HP1BP3: variants seen among roughly 807,000 people sequenced by gnomAD.
The protein encoded by HP1BP3 is heterochromatin protein 1 binding protein 3.
A neutral mutation model predicts 62.5 loss-of-function variants in HP1BP3; 12 were observed. The ratio of observed to expected loss-of-function variants is 0.19; its 90% CI spans 0.12 to 0.31. The LOEUF is 0.31. Ranked by LOEUF, HP1BP3 falls within the 10% of genes least tolerant of loss-of-function variation. The probability of loss-of-function intolerance (pLI) is 1.00; values close to 1 mark genes in which losing one functional copy is unlikely to be tolerated. For synonymous variants in HP1BP3, 260 were observed against 237.8 expected, an observed-to-expected ratio of 1.09 and a Z score of -0.86; for missense variants, 502 against 651.8, an observed-to-expected ratio of 0.77 and a Z score of 2.50.
At position 20,744,879 on chromosome 1, in the gene HP1BP3, G is replaced by C. The variant is rs1404732023; in HGVS notation, c.1580C>G (p.Pro527Arg). The C allele has an allele frequency of 1.5e-5, 25 of 1,614,062 alleles. No homozygotes were observed. The highest frequency in any genetic ancestry group is 2.0e-5 in the Non-Finnish European group (24 of 1,180,048). Reference sequence around the variant, plus strand: ...TACTTCCTTTCTTGCACTGGTTGCAGGCTTCTTTGAGGAGCCACCACTAGG... The same window carrying C: ...TACTTCCTTTCTTGCACTGGTTGCACGCTTCTTTGAGGAGCCACCACTAGG... ...KKPSGGSSKK[P>R]ATSARKEVKL... is the part of the protein sequence containing the mutation. The change falls in exon 13 of 13, where the codon CCT becomes CGT. Residue 527 changes from proline to arginine, a missense_variant. Physicochemically the swap from Pro to Arg is moderately radical, Grantham distance 103. This residue lies in a region of HP1BP3 where 194 missense variants were observed against 207.0 expected (regional missense o/e 0.94). Coordinates refer to ENST00000438032, the MANE Select transcript of HP1BP3 (RefSeq NM_001372052.1).
chr1:20,785,560 G>A (rs1357762700), intron 1 of HP1BP3, among the ~76,000 whole-genome samples: 3 of 152,170 alleles, frequency 2.0e-5, no homozygotes, highest in Non-Finnish European at 4.4e-5. Flanking sequence ...ATTTTCAAAT[G>A]TAAGTTATAT....
At position 20,757,055 on chromosome 1, in the gene HP1BP3, A is replaced by G. The variant is rs565084779; in HGVS notation, c.981+111T>C. 3.2e-5 allele frequency: 20 copies of G among 619,652 alleles called. No individual in the cohort carries two copies. In the South Asian group the frequency reaches 3.9e-4, roughly 12 times the overall value. 38.4% of individuals were successfully genotyped at this position (619,652 alleles called of 1,614,324 possible). A position where few individuals can be genotyped will look rare whatever the true frequency, so the allele number is the denominator to read the frequency against. ...TAGTAAATGTTGACAGATATAACCC[A>G]CATAAACAAAAGTTCTTTGAGGTCC... On this transcript the variant is annotated intron_variant, in intron 9 of 12. Coordinates refer to ENST00000438032, the MANE Select transcript of HP1BP3 (RefSeq NM_001372052.1).
At chr1:20,764,142 C>T (rs540869992) in intron 8 of HP1BP3, among the ~76,000 whole-genome samples, 1 of 152,250 alleles carries the variant, frequency 6.6e-6, no homozygotes, top group South Asian at 2.1e-4. Flanking sequence ...ATGTCTTGTA[C>T]TCATTTATAT....
intron 8 of HP1BP3, among the ~76,000 whole-genome samples, chr1:20,760,268 G>C (rs2056389588): frequency 6.6e-6 from 1 of 152,154 alleles, no homozygotes; most frequent in African/African-American, 2.4e-5. Flanking sequence ...ACTGGACACA[G>C]TGGCTCACAC....
intron 1 of HP1BP3, among the ~76,000 whole-genome samples, chr1:20,783,955 C>A (rs953527644): frequency 6.6e-6 from 1 of 152,072 alleles, no homozygotes; most frequent in Non-Finnish European, 1.5e-5. Flanking sequence ...TTAATTCACA[C>A]TGCCTTAACA....
In HP1BP3 at chr1:20,749,917, CA is replaced by C; in HGVS notation, c.982-36del. The C allele has an allele frequency of 2.5e-6, 4 of 1,598,192 alleles. No individual in the cohort carries two copies. The South Asian group carries it at 3.4e-5, about 14-fold the overall frequency. ...AAGGAGGAAGAGAAAAGCATCAAGACAACACTCTCCCAAAGCAGGTCAAGAC... is the reference window on the plus strand; with the variant it reads ...AAGGAGGAAGAGAAAAGCATCAAGACACACTCTCCCAAAGCAGGTCAAGAC... On this transcript the variant is annotated intron_variant, in intron 9 of 12. Coordinates refer to ENST00000438032, the MANE Select transcript of HP1BP3 (RefSeq NM_001372052.1).
rs568424677 is a variant in HP1BP3 at position 20,752,455 on chromosome 1, C to A, written c.982-2573G>T. 5.3e-5 allele frequency among the ~76,000 whole-genome samples: 8 copies of A among 151,952 alleles called. No homozygotes were observed. In the South Asian group the frequency reaches 1.2e-3, roughly 24 times the overall value. ...GACTACAGGCGCCCACCACACCTGGCTAATTTTTGTATTTTCAGTAGAGAT... is the reference window on the plus strand; with the variant it reads ...GACTACAGGCGCCCACCACACCTGGATAATTTTTGTATTTTCAGTAGAGAT... On this transcript the variant is annotated intron_variant, in intron 9 of 12. Transcript: ENST00000438032.
intron 1 of HP1BP3, 62 bp from the exon 2 acceptor site, chr1:20,780,602 A>C (rs747361853): frequency 1.7e-6 from 1 of 594,454 alleles, no homozygotes; most frequent in African/African-American, 1.9e-5. Flanking sequence ...TAAAACGTCT[A>C]AATTTAATAC....
chr1:20,746,867 T>C (rs2154539526), intron 11 of HP1BP3, among the ~76,000 whole-genome samples: 1 of 152,172 alleles, frequency 6.6e-6, no homozygotes, highest in South Asian at 2.1e-4. Context: ...AACACAAAAA[T>C]TAGCTGGGTG....
chr1:20,757,450 CA>C (rs2056190060), intron 8 of HP1BP3, among the ~76,000 whole-genome samples, 194 bp from the exon 9 acceptor site: 1 of 151,384 alleles, frequency 6.6e-6, no homozygotes, highest in South Asian at 2.1e-4. Context: ...TGGCTCACTG[CA>C]ACCTTCACTT....
chr1:20,779,923 G>C lies in HP1BP3; in HGVS notation c.97-12C>G, dbSNP rs33936601. On this transcript the variant is annotated splice_polypyrimidine_tract_variant and intron_variant, in intron 2 of 12. Transcript: ENST00000438032. ...CTATCTTCTACCTTCTAAGAAAAGAGATGGCCATAATCAAACATGCATTAA... is the reference window on the plus strand; with the variant it reads ...CTATCTTCTACCTTCTAAGAAAAGACATGGCCATAATCAAACATGCATTAA... The C allele has an allele frequency of 0.036, 57,394 of 1,599,062 alleles. 1,225 individuals carry two copies. The highest frequency in any genetic ancestry group is 0.041 in the Non-Finnish European group (47,517 of 1,170,076).
In HP1BP3 at chr1:20,743,352, TA is replaced by T. The variant is rs2055140046; in HGVS notation, c.*1444del. 6.6e-6 allele frequency: 1 copy of T among 152,514 alleles called. No individual in the cohort carries two copies. The highest frequency in any genetic ancestry group is 1.5e-5 in the Non-Finnish European group (1 of 68,038). The allele number at this position is 152,514 out of a possible 1,614,324, so 9.4% of individuals were successfully genotyped here. On this transcript the variant is annotated 3_prime_UTR_variant, in exon 13 of 13. Transcript: ENST00000438032. ...AACTCATGCTCCAAATATTAAAAAATATATTTAAACATATGATCAAGAAGAT... is the reference window on the plus strand; with the variant it reads ...AACTCATGCTCCAAATATTAAAAAATTATTTAAACATATGATCAAGAAGAT...
At chr1:20,773,737 T>C (rs752991105) in intron 4 of HP1BP3, 127 bp from the exon 5 acceptor site, 20 of 612,556 alleles carry the variant, frequency 3.3e-5, no homozygotes, top group Non-Finnish European at 4.8e-5. Flanking sequence ...TAAGATGACA[T>C]GTACCATAAG....
chr1:20,757,272 A>G lies in HP1BP3; in HGVS notation c.891-16T>C, dbSNP rs1231502970. ...CAGCTGAGGCCTGCAAAGAAAAACA[A>G]AAAAAAAATAGTGATAAATACATTA... On this transcript the variant is annotated splice_polypyrimidine_tract_variant and intron_variant, in intron 8 of 12. Coordinates refer to ENST00000438032, the MANE Select transcript of HP1BP3 (RefSeq NM_001372052.1). The G allele has an allele frequency of 6.6e-7, 1 of 1,515,440 alleles. No homozygotes were observed. Among genetic ancestry groups the G allele is most frequent in the Non-Finnish European group, 9.0e-7 (1 of 1,109,630 alleles). 93.9% of individuals were successfully genotyped at this position (1,515,440 alleles called of 1,614,324 possible).
rs370439821 is a variant in HP1BP3 at position 20,742,447 on chromosome 1, C to T, written c.*2350G>A. 1.3e-5 allele frequency among the ~76,000 whole-genome samples: 2 copies of T among 152,086 alleles called. No individual in the cohort carries two copies. The highest frequency in any genetic ancestry group is 4.8e-5 in the African/African-American group (2 of 41,416). Reference sequence around the variant, plus strand: ...CTTGGAAGCAGTCTTTAATAAAATACAAAATGATTTTTTAAACCTTTGATT... The same window carrying T: ...CTTGGAAGCAGTCTTTAATAAAATATAAAATGATTTTTTAAACCTTTGATT... On this transcript the variant is annotated 3_prime_UTR_variant, in exon 13 of 13. Coordinates refer to ENST00000438032, the MANE Select transcript of HP1BP3 (RefSeq NM_001372052.1).
chr1:20,779,877 G>C lies in HP1BP3; in HGVS notation c.131C>G (p.Thr44Ser), dbSNP rs765551511. ...VEDSTMPIRR[T>S]VNSTRETPPK... ...AGGAGTTTCCCGGGTAGAATTCACA[G>C]TTCGACGAATCGGCATGGTGCTATC... is the stretch of plus-strand genomic sequence containing the variant. Residue 44 changes from threonine (T) to serine (S), a missense_variant, in exon 3 of 13, where the codon ACT becomes AGT. By Grantham distance (58) the Thr-to-Ser change is moderately conservative. Coordinates refer to ENST00000438032, the MANE Select transcript of HP1BP3 (RefSeq NM_001372052.1). 1.2e-6 allele frequency: 2 copies of C among 1,613,426 alleles called. No individual in the cohort carries two copies. Among genetic ancestry groups the C allele is most frequent in the Admixed American group, 1.7e-5 (1 of 59,972 alleles).
rs1387637869 is a variant in HP1BP3 at position 20,744,116 on chromosome 1, C to T, written c.*681G>A. ...AACAAAAAACAAGTGATATAGAGAA[C>T]TTGTGCTTGCTGTTAAGGGAATGCA... On this transcript the variant is annotated 3_prime_UTR_variant, in exon 13 of 13. Transcript: ENST00000438032. 2.6e-5 allele frequency: 4 copies of T among 152,460 alleles called. No homozygotes were observed. Among genetic ancestry groups the T allele is most frequent in the Admixed American group, 6.6e-5 (1 of 15,260 alleles). 9.4% of individuals were successfully genotyped at this position (152,460 alleles called of 1,614,324 possible). A position where few individuals can be genotyped will look rare whatever the true frequency, so the allele number is the denominator to read the frequency against.
Position 20,770,971 on chromosome 1 carries a change from G to T in HP1BP3, c.613C>A (p.Gln205Lys), listed in dbSNP as rs772422444. The change falls in exon 6 of 13, where the codon CAA becomes AAA. Residue 205 changes from glutamine (Q) to lysine (K), a missense_variant. Around this residue, in one of 5 missense-constraint regions of HP1BP3, gnomAD observed 111 missense variants for 242.0 expected, o/e 0.46. Transcript: ENST00000438032. ...ELERRGYLLK[Q>K]ALKRELNRGV... ...CTATTTAATTCTCTTTTCAGTGCTTGTTTAAGGAGATAACCCCTTCTCTCC... is the reference window on the plus strand; with the variant it reads ...CTATTTAATTCTCTTTTCAGTGCTTTTTTAAGGAGATAACCCCTTCTCTCC... The T allele has an allele frequency of 6.2e-7, 1 of 1,609,088 alleles. No individual in the cohort carries two copies. Among genetic ancestry groups the T allele is most frequent in the Non-Finnish European group, 8.5e-7 (1 of 1,178,272 alleles).
intron 10 of HP1BP3, among the ~76,000 whole-genome samples, chr1:20,748,297 CA>C (rs2055470806): frequency 2.6e-5 from 4 of 152,154 alleles, no homozygotes; most frequent in Admixed American, 2.0e-4. Context: ...AGTAACAAAA[CA>C]ATATCATGGT....
Sources: gnomAD v4.1 joint callset for allele counts (sites outside exome capture counted in the v4.1 genomes callset) on GRCh38, gnomAD v4.1.1 for gene constraint, gnomAD v4.1.1 regional missense constraint, MANE v1.5 for transcripts, NCBI Gene and HGNC (gene_info 2026-07-23, HGNC 2026-07-21) for gene names.